PCDHGA5: variants seen among roughly 807,000 people sequenced by gnomAD.
The protein encoded by PCDHGA5 is protocadherin gamma-A5.
In PCDHGA5, 36 loss-of-function variants were observed where a neutral mutation model predicts 56.7. The observed-to-expected ratio is 0.64, with a 90% CI of 0.49 to 0.84. The LOEUF (loss-of-function observed/expected upper bound fraction) is 0.84. PCDHGA5 is among the 40% of genes least tolerant of loss of function. PCDHGA5 has a pLI of 0.00. For synonymous variants in PCDHGA5, 563 were observed against 520.2 expected, an observed-to-expected ratio of 1.08 and a Z score of -1.12; for missense variants, 1,305 against 1,201.5, an observed-to-expected ratio of 1.09 and a Z score of -1.27.
chr5:141,380,503 A>G (rs1353992586), intron 1 of PCDHGA5, among the ~76,000 whole-genome samples: 1 of 152,196 alleles, frequency 6.6e-6, no homozygotes, highest in African/African-American at 2.4e-5. Context: ...ACAATAATAT[A>G]CACTCTTTAA....
At chr5:141,421,854 C>T (rs1402137870) in intron 1 of PCDHGA5, 9 of 1,613,644 alleles carry the variant, frequency 5.6e-6, no homozygotes. Flanking sequence ...AGGCTGCTCA[C>T]CTGCTCCTCC....
At chr5:141,376,387 G>C (rs772638473) in intron 1 of PCDHGA5, 1 of 1,614,218 alleles carries the variant, frequency 6.2e-7, no homozygotes, top group Admixed American at 1.7e-5. Flanking sequence ...AGAGTCATCT[G>C]ATTTTCCCCC....
intron 1 of PCDHGA5, among the ~76,000 whole-genome samples, chr5:141,446,381 T>C (rs1225260527): frequency 1.3e-5 from 2 of 152,248 alleles, no homozygotes; most frequent in Non-Finnish European, 2.9e-5. Flanking sequence ...TAAAGAATGA[T>C]AGATTTAAGA....
At chr5:141,370,456 T>A (rs889377616) in intron 1 of PCDHGA5, 17 of 1,611,826 alleles carry the variant, frequency 1.1e-5, no homozygotes, top group Non-Finnish European at 1.3e-5. Flanking sequence ...TTTCTCTTCC[T>A]GCTCTCTTTG....
rs776990176 is a variant in PCDHGA5 at position 141,485,136 on chromosome 5, C to A, written c.2422-9671C>A. ...GTTTGGGGCGGGTCGGCTTCATCCG[C>A]GTCTCAGGAGCAAGTAGAGAATTAG... On this transcript the variant is annotated intron_variant, in intron 1 of 3. Transcript: ENST00000518069. The surrounding 1 kb of genome is among the most constrained non-coding windows in gnomAD (Gnocchi z 5.7). The A allele has an allele frequency of 4.0e-6, 6 of 1,502,706 alleles. No individual in the cohort carries two copies. The South Asian group carries it at 5.9e-5, about 15-fold the overall frequency. The allele number at this position is 1,502,706 out of a possible 1,614,324, so 93.1% of individuals were successfully genotyped here.
At chr5:141,422,709 T>A in intron 1 of PCDHGA5, 1 of 1,603,558 alleles carries the variant, frequency 6.2e-7, no homozygotes, top group Admixed American at 1.7e-5. Flanking sequence ...CTCTGACGGA[T>A]GACACTGTCC....
intron 1 of PCDHGA5, chr5:141,394,079 G>A (rs375995047): frequency 5.0e-6 from 8 of 1,613,706 alleles, no homozygotes; most frequent in Non-Finnish European, 5.9e-6. Context: ...ATATCACAGT[G>A]ATGGCCTCAG....
chr5:141,422,677 C>G, intron 1 of PCDHGA5: 1 of 1,606,186 alleles, frequency 6.2e-7, no homozygotes, highest in Non-Finnish European at 8.5e-7. Context: ...GGACAGCAAA[C>G]AGAATGCCCT....
chr5:141,427,494 A>G (rs1220750249), intron 1 of PCDHGA5: 1 of 560,916 alleles, frequency 1.8e-6, no homozygotes, highest in Non-Finnish European at 3.4e-6. Context: ...TAAGCTTGTA[A>G]CAGATGGGAC....
At position 141,395,542 on chromosome 5, in the gene PCDHGA5, T is replaced by TTG. The variant is rs55729045; in HGVS notation, c.2421+28839_2421+28840dup. On this transcript the variant is annotated intron_variant, in intron 1 of 3. Transcript: ENST00000518069. ...TCCATACTGGTAATTTTGCTATTGT[T>TTG]TGTGTGTGTGTGTGTGTGTGTGTGT... 1.5e-3 allele frequency: 267 copies of TTG among 172,614 alleles called. 1 individual carries two copies. The highest frequency in any genetic ancestry group is 2.3e-3 in the African/African-American group (40 of 17,550). The allele number at this position is 172,614 out of a possible 1,614,324, so 10.7% of individuals were successfully genotyped here.
chr5:141,400,319 C>G (rs762588918), intron 1 of PCDHGA5: 1 of 1,613,974 alleles, frequency 6.2e-7, no homozygotes, highest in African/African-American at 1.3e-5. Context: ...TGTGTCAAGT[C>G]TGGACCTGTG....
intron 1 of PCDHGA5, chr5:141,410,023 C>A: frequency 6.2e-7 from 1 of 1,613,310 alleles, no homozygotes; most frequent in South Asian, 1.1e-5. Context: ...TGTCCTACCA[C>A]GTGCTGCAGG....
At chr5:141,462,542 T>C (rs910054469) in intron 1 of PCDHGA5, among the ~76,000 whole-genome samples, 1 of 152,222 alleles carries the variant, frequency 6.6e-6, no homozygotes, top group Non-Finnish European at 1.5e-5. Flanking sequence ...AGTGATCTTT[T>C]CTTCTTCAGT....
At chr5:141,494,763 C>T in intron 1 of PCDHGA5, 44 bp from the exon 2 acceptor site, 4 of 1,613,926 alleles carry the variant, frequency 2.5e-6, no homozygotes, top group Admixed American at 1.7e-5. Context: ...GACATTCTAA[C>T]TTCTCACGGG....
intron 1 of PCDHGA5, chr5:141,383,470 T>G (rs1779162782): frequency 6.2e-7 from 1 of 1,613,710 alleles, no homozygotes; most frequent in Non-Finnish European, 8.5e-7. Flanking sequence ...TGAAACTAAG[T>G]ACCCGGAACT....
intron 1 of PCDHGA5, chr5:141,421,270 C>G: frequency 6.2e-7 from 1 of 1,612,094 alleles, no homozygotes; most frequent in Non-Finnish European, 8.5e-7. Context: ...TCGGCTGCTG[C>G]TGCTGCTGTG....
Position 141,486,697 on chromosome 5 carries a change from C to G in PCDHGA5, c.2422-8110C>G. 1 of 1,614,176 alleles carries G rather than the reference C, an allele frequency of 6.2e-7. No individual in the cohort carries two copies. The highest frequency in any genetic ancestry group is 8.5e-7 in the Non-Finnish European group (1 of 1,180,032). ...GAGATGTATCAGCTTCCTCTTTCATCTCTCTGAACCCCCAGACAGGAGCTG... is the reference window on the plus strand; with the variant it reads ...GAGATGTATCAGCTTCCTCTTTCATGTCTCTGAACCCCCAGACAGGAGCTG... On this transcript the variant is annotated intron_variant, in intron 1 of 3. Coordinates refer to ENST00000518069, the MANE Select transcript of PCDHGA5 (RefSeq NM_018918.3). The surrounding 1 kb of genome is among the most constrained non-coding windows in gnomAD (Gnocchi z 5.0).
intron 1 of PCDHGA5, among the ~76,000 whole-genome samples, chr5:141,481,153 A>G (rs1376488411): frequency 2.0e-5 from 3 of 152,224 alleles, no homozygotes; most frequent in Non-Finnish European, 4.4e-5. Context: ...TTATTCTGGT[A>G]TTTGCAGAAC....
At position 141,476,051 on chromosome 5, in the gene PCDHGA5, GA is replaced by G; in HGVS notation, c.2422-18753del. On this transcript the variant is annotated intron_variant, in intron 1 of 3. Transcript: ENST00000518069. This position sits in a 1 kb window ranked among gnomAD's most constrained non-coding sequence, Gnocchi z 7.6. ...CCCAGCGCCCAAGCGCTAACCCGCT[GA>G]AAGTTTCTCAGCGAAATCTCAGGGA... 1.3e-6 allele frequency: 2 copies of G among 1,504,270 alleles called. No individual in the cohort carries two copies. The highest frequency in any genetic ancestry group is 1.8e-6 in the Non-Finnish European group (2 of 1,133,694). The allele number at this position is 1,504,270 out of a possible 1,614,324, so 93.2% of individuals were successfully genotyped here.
Sources: allele counts gnomAD v4.1 joint callset (sites outside exome capture counted in the v4.1 genomes callset), GRCh38; gene constraint gnomAD v4.1.1; non-coding constraint Gnocchi (gnomAD v3.1); transcripts MANE v1.5; gene names NCBI Gene and HGNC (gene_info 2026-07-23, HGNC 2026-07-21).